The following TAOK1 variants were observed in gnomAD, a reference collection of about 807,000 sequenced individuals.
TAOK1 encodes the protein serine/threonine-protein kinase TAO1.
A neutral mutation model predicts 138.3 loss-of-function variants in TAOK1; 21 were observed. The observed-to-expected ratio is 0.15, with a 90% CI of 0.11 to 0.22. TAOK1 has a LOEUF of 0.22. Ranked by LOEUF, TAOK1 falls within the 10% of genes least tolerant of loss-of-function variation. The pLI, the probability that TAOK1 is intolerant of heterozygous loss-of-function variation, is 1.00. For missense variants in TAOK1, 651 were observed against 1,227.7 expected (o/e 0.53, Z 7.02); for synonymous variants, 361 against 398.4 (o/e 0.91, Z 1.12).
intron 1 of TAOK1, among the ~76,000 whole-genome samples, chr17:29,413,878 C>T (rs1905202355): frequency 2.0e-5 from 2 of 101,844 alleles, no homozygotes; most frequent in African/African-American, 8.8e-5. Context: ...TTGTTTCTGG[C>T]TTCTTTTTTT....
chr17:29,532,662 G>A (rs956841559), intron 18 of TAOK1, among the ~76,000 whole-genome samples: 3 of 152,132 alleles, frequency 2.0e-5, no homozygotes, highest in African/African-American at 7.2e-5. Flanking sequence ...CGGGTTGGGG[G>A]TAAGGTCACA....
intron 1 of TAOK1, among the ~76,000 whole-genome samples, chr17:29,441,710 C>A (rs1261602443): frequency 6.6e-6 from 1 of 152,038 alleles, no homozygotes; most frequent in African/African-American, 2.4e-5. Context: ...ACCATCCTGG[C>A]CAACATGGTG....
At chr17:29,515,557 CG>C (rs1306738485) in intron 15 of TAOK1, among the ~76,000 whole-genome samples, 3 of 152,024 alleles carry the variant, frequency 2.0e-5, no homozygotes, top group Non-Finnish European at 4.4e-5. Context: ...ATCTAAAGGC[CG>C]GGTGCAGTGG....
At chr17:29,492,118 C>T (rs1240065955) in intron 10 of TAOK1, among the ~76,000 whole-genome samples, 1 of 152,024 alleles carries the variant, frequency 6.6e-6, no homozygotes, top group Non-Finnish European at 1.5e-5. Flanking sequence ...CTCCTGGGCT[C>T]AAGTGATCCA....
At chr17:29,409,333 A>ATATATATATATT (rs1348702470) in intron 1 of TAOK1, among the ~76,000 whole-genome samples, 4 of 59,032 alleles carry the variant, frequency 6.8e-5, no homozygotes, top group African/African-American at 2.7e-4. Flanking sequence ...ATATATATAT[A>ATATATATATATT]TTTTTTTTTT....
intron 3 of TAOK1, among the ~76,000 whole-genome samples, chr17:29,470,555 G>T (rs1352024460): frequency 1.3e-5 from 2 of 151,816 alleles, no homozygotes; most frequent in Non-Finnish European, 1.5e-5. Context: ...AAGAAAGGTT[G>T]GACTTTTGAA....
At chr17:29,506,151 G>T (rs2031625967) in intron 13 of TAOK1, among the ~76,000 whole-genome samples, 2 of 152,116 alleles carry the variant, frequency 1.3e-5, no homozygotes, top group South Asian at 4.1e-4. Context: ...ATGTTGAAGG[G>T]ATATCTGCAC....
At chr17:29,452,208 C>T (rs1024657667) in intron 2 of TAOK1, among the ~76,000 whole-genome samples, 5 of 151,692 alleles carry the variant, frequency 3.3e-5, no homozygotes, top group Non-Finnish European at 4.4e-5. Flanking sequence ...AGAGCAGATC[C>T]TGTCACAAAA....
Position 29,548,870 on chromosome 17 carries a change from T to C in TAOK1, c.*5848T>C, listed in dbSNP as rs1350834807. ...TCCTAGGTGACATTTTTAGAATTAA[T>C]ACTTAAATGTTAAACAGGGGGAAAT... On this transcript the variant is annotated 3_prime_UTR_variant, in exon 20 of 20. Transcript: ENST00000261716. 1 of 152,158 alleles carries C rather than the reference T, an allele frequency of 6.6e-6. No homozygotes were observed. The highest frequency in any genetic ancestry group is 1.5e-5 in the Non-Finnish European group (1 of 67,994). The allele number at this position is 152,158 out of a possible 1,614,324, so 9.4% of individuals were successfully genotyped here. A position where few individuals can be genotyped will look rare whatever the true frequency, so the allele number is the denominator to read the frequency against.
chr17:29,484,259 C>A (rs1333860386), intron 8 of TAOK1, among the ~76,000 whole-genome samples: 1 of 152,144 alleles, frequency 6.6e-6, no homozygotes, highest in Non-Finnish European at 1.5e-5. Flanking sequence ...GAAATAATTT[C>A]TTAGAATTTT....
In TAOK1 at chr17:29,485,568, G is replaced by A. The variant is rs114785416; in HGVS notation, c.655+3280G>A. ...GTGGACGACCCCCTTTAGCCCAGGA[G>A]TTTGAGGCTGCAGTGAGCTATAATT... On this transcript the variant is annotated intron_variant, in intron 8 of 19. Coordinates refer to ENST00000261716, the MANE Select transcript of TAOK1 (RefSeq NM_020791.4). Among the ~76,000 whole-genome samples, 920 of 152,300 alleles carry A rather than the reference G, an allele frequency of 6.0e-3. 11 individuals carry two copies. Among genetic ancestry groups the A allele is most frequent in the African/African-American group, 0.021 (855 of 41,552 alleles).
At chr17:29,515,854 A>G (rs1266643175) in intron 15 of TAOK1, among the ~76,000 whole-genome samples, 7 of 152,044 alleles carry the variant, frequency 4.6e-5, no homozygotes, top group African/African-American at 1.4e-4. Flanking sequence ...AGAAAGATGT[A>G]AATACCACTT....
chr17:29,410,996 A>G (rs528273992), intron 1 of TAOK1, among the ~76,000 whole-genome samples: 1 of 151,058 alleles, frequency 6.6e-6, no homozygotes, highest in South Asian at 2.1e-4. Context: ...CTCCCATTTC[A>G]GTTCCCCTTA....
At chr17:29,409,308 CATATAT>C (rs1183993280) in intron 1 of TAOK1, among the ~76,000 whole-genome samples, 3,240 of 79,452 alleles carry the variant, frequency 0.041, 233 homozygotes, top group African/African-American at 0.15. Flanking sequence ...TTTTTATGGA[CATATAT>C]ATATATATAT....
chr17:29,449,134 A>G (rs1364992214), intron 1 of TAOK1, among the ~76,000 whole-genome samples: 1 of 152,210 alleles, frequency 6.6e-6, no homozygotes, highest in East Asian at 1.9e-4. Flanking sequence ...TAATCATTCA[A>G]AATTCTTAAC....
intron 1 of TAOK1, among the ~76,000 whole-genome samples, chr17:29,391,396 A>G (rs972610705): frequency 2.0e-5 from 3 of 151,648 alleles, no homozygotes; most frequent in African/African-American, 7.3e-5. Flanking sequence ...TATTCTTGGG[A>G]AGGGAGACTG....
rs932211849 is a variant in TAOK1 at position 29,416,504 on chromosome 17, A to G, written c.-95+25480A>G. On this transcript the variant is annotated intron_variant, in intron 1 of 19. Coordinates refer to ENST00000261716, the MANE Select transcript of TAOK1 (RefSeq NM_020791.4). ...TTGGATCATCGGAAAAGGGGCAGTT[A>G]TACATTGGAAATGTATACAACAAAT... Among the ~76,000 whole-genome samples, 4 of 152,168 alleles carry G rather than the reference A, an allele frequency of 2.6e-5. No individual in the cohort carries two copies. In the East Asian group the frequency reaches 7.7e-4, roughly 29 times the overall value.
At chr17:29,415,014 A>C (rs1411017478) in intron 1 of TAOK1, among the ~76,000 whole-genome samples, 15 of 150,378 alleles carry the variant, frequency 1.0e-4, no homozygotes, top group Non-Finnish European at 1.5e-5. Flanking sequence ...CCCAGGTTGG[A>C]GTGCAGTGGC....
At chr17:29,427,613 G>C (rs917502908) in intron 1 of TAOK1, among the ~76,000 whole-genome samples, 17 of 151,234 alleles carry the variant, frequency 1.1e-4, no homozygotes, top group African/African-American at 4.1e-4. Context: ...TGGAAGCAGA[G>C]AAGTGATACC....
Sources: gnomAD v4.1 joint callset for allele counts (sites outside exome capture counted in the v4.1 genomes callset) on GRCh38, gnomAD v4.1.1 for gene constraint, MANE v1.5 for transcripts, NCBI Gene and HGNC (gene_info 2026-07-23, HGNC 2026-07-21) for gene names.